Variants in UNC5D observed in about 807,000 individuals in gnomAD.
UNC5D encodes netrin receptor UNC5D.
A neutral mutation model predicts 105.4 loss-of-function variants in UNC5D; 39 were observed. That is an observed-to-expected ratio of 0.37 (90% CI 0.29 to 0.48). The LOEUF (loss-of-function observed/expected upper bound fraction) is 0.48. Among genes scored for constraint, UNC5D ranks in the 20% least tolerant of loss-of-function variants. The probability of loss-of-function intolerance (pLI) is 0.98; values close to 1 mark genes in which losing one functional copy is unlikely to be tolerated. For missense variants in UNC5D, 991 were observed against 1,202.4 expected (o/e 0.82, Z 2.60); for synonymous variants, 452 against 450.4 (o/e 1.00, Z -0.04).
At chr8:35,377,548 C>T (rs1039865126) in intron 1 of UNC5D, among the ~76,000 whole-genome samples, 1 of 152,284 alleles carries the variant, frequency 6.6e-6, no homozygotes. Flanking sequence ...CCTCAGCTTC[C>T]TGCTGAGCAG....
intron 1 of UNC5D, among the ~76,000 whole-genome samples, chr8:35,304,922 T>TTATTTA (rs769606307): frequency 6.4e-4 from 97 of 152,214 alleles, no homozygotes; most frequent in Admixed American, 1.1e-3. Flanking sequence ...TATAATGTAA[T>TTATTTA]CAGCTATGAA....
At chr8:35,515,143 T>A (rs1218260925) in intron 1 of UNC5D, among the ~76,000 whole-genome samples, 1 of 152,232 alleles carries the variant, frequency 6.6e-6, no homozygotes, top group African/African-American at 2.4e-5. Context: ...GTTCTTCACC[T>A]TTATGTTGTA....
intron 4 of UNC5D, among the ~76,000 whole-genome samples, chr8:35,609,046 T>C (rs1236552516): frequency 6.6e-6 from 1 of 152,206 alleles, no homozygotes; most frequent in Non-Finnish European, 1.5e-5. Context: ...AGTTGCCTTT[T>C]CTCCGCATCT....
At chr8:35,334,578 T>C (rs914159787) in intron 1 of UNC5D, among the ~76,000 whole-genome samples, 1 of 151,962 alleles carries the variant, frequency 6.6e-6, no homozygotes, top group African/African-American at 2.4e-5. Context: ...AATGGCACCA[T>C]CTCGGCTCAC....
rs1815481947 is a variant in UNC5D at position 35,544,266 on chromosome 8, A to G, written c.104-5026A>G. On this transcript the variant is annotated intron_variant, in intron 1 of 16. Coordinates refer to ENST00000404895, the MANE Select transcript of UNC5D (RefSeq NM_080872.4). Reference sequence around the variant, plus strand: ...TTAGCCTACCAAGGCTCTTTCCTGAACAGCTGATGGCATTAGGATTTAATT... The same window carrying G: ...TTAGCCTACCAAGGCTCTTTCCTGAGCAGCTGATGGCATTAGGATTTAATT... 10 of 1,103,958 alleles carry G rather than the reference A, an allele frequency of 9.1e-6. 1 individual carries two copies. In the South Asian group the frequency reaches 1.5e-4, roughly 17 times the overall value. 68.4% of individuals were successfully genotyped at this position (1,103,958 alleles called of 1,614,324 possible).
At position 35,345,977 on chromosome 8, in the gene UNC5D, G is replaced by A. The variant is rs79910285; in HGVS notation, c.103+110090G>A. Among the ~76,000 whole-genome samples the A allele has an allele frequency of 4.1e-3, 618 of 152,140 alleles. 3 individuals are homozygous for A. Among genetic ancestry groups the A allele is most frequent in the African/African-American group, 0.014 (583 of 41,554 alleles). On this transcript the variant is annotated intron_variant, in intron 1 of 16. Coordinates refer to ENST00000404895, the MANE Select transcript of UNC5D (RefSeq NM_080872.4). The stretch of plus-strand genomic sequence containing the variant: ...CTATCCTGACCTCTCAGGTCATGGC[G>A]TGTGTTTTCTTTGGAGAAATCTCAA...
intron 8 of UNC5D, among the ~76,000 whole-genome samples, chr8:35,720,536 C>T (rs1484099895): frequency 6.6e-6 from 1 of 152,170 alleles, no homozygotes; most frequent in Non-Finnish European, 1.5e-5. Context: ...CCTCTGTCTG[C>T]TCTGGGAATA....
At chr8:35,343,437 C>T (rs978841858) in intron 1 of UNC5D, among the ~76,000 whole-genome samples, 2 of 151,990 alleles carry the variant, frequency 1.3e-5, no homozygotes, top group African/African-American at 4.8e-5. Flanking sequence ...ATATTGAATA[C>T]TTTCATTGTA....
At chr8:35,318,162 A>G (rs1431484179) in intron 1 of UNC5D, among the ~76,000 whole-genome samples, 1 of 151,776 alleles carries the variant, frequency 6.6e-6, no homozygotes, top group African/African-American at 2.4e-5. Flanking sequence ...TGTCATTTTC[A>G]TGCGCTGCCT....
chr8:35,673,529 C>T (rs1824976499), intron 4 of UNC5D, among the ~76,000 whole-genome samples: 1 of 152,044 alleles, frequency 6.6e-6, no homozygotes, highest in African/African-American at 2.4e-5. Context: ...TACCATTTCC[C>T]AAGCATATAG....
intron 1 of UNC5D, among the ~76,000 whole-genome samples, chr8:35,499,504 T>C (rs1039125519): frequency 6.6e-6 from 1 of 152,256 alleles, no homozygotes; most frequent in African/African-American, 2.4e-5. Flanking sequence ...TTGGGGAAAC[T>C]TTGTTCTCTG....
intron 4 of UNC5D, among the ~76,000 whole-genome samples, chr8:35,658,176 A>T (rs1563639092): frequency 1.3e-5 from 2 of 152,204 alleles, no homozygotes; most frequent in African/African-American, 2.4e-5. Flanking sequence ...CTGGAAAGGT[A>T]AAAATGTTAC....
intron 4 of UNC5D, among the ~76,000 whole-genome samples, chr8:35,653,156 T>G (rs905997018): frequency 1.3e-5 from 2 of 151,962 alleles, no homozygotes; most frequent in African/African-American, 4.8e-5. Flanking sequence ...TCTCGATCTC[T>G]TGACCTCATG....
At chr8:35,307,121 GAA>G (rs10711574) in intron 1 of UNC5D, among the ~76,000 whole-genome samples, 12 of 151,688 alleles carry the variant, frequency 7.9e-5, no homozygotes, top group East Asian at 3.9e-4. Context: ...AGCTAAAAAA[GAA>G]AAAAAAAATT....
At chr8:35,273,955 T>G (rs962275057) in intron 1 of UNC5D, among the ~76,000 whole-genome samples, 1 of 152,204 alleles carries the variant, frequency 6.6e-6, no homozygotes, top group Admixed American at 6.5e-5. Context: ...GTATCATTTT[T>G]ATGCCTTTTA....
At chr8:35,248,627 T>G (rs1400583573) in intron 1 of UNC5D, among the ~76,000 whole-genome samples, 5 of 96,484 alleles carry the variant, frequency 5.2e-5, no homozygotes, top group Admixed American at 1.7e-4. Context: ...AATATATAAA[T>G]ATATGTTATA....
intron 1 of UNC5D, among the ~76,000 whole-genome samples, chr8:35,424,839 A>G (rs990495639): frequency 4.6e-5 from 7 of 152,254 alleles, no homozygotes; most frequent in Non-Finnish European, 1.0e-4. Context: ...TAACGTATTT[A>G]TAGCAATGAG....
rs781317548 is a variant in UNC5D, at chr8:35,750,640, C to T, written c.1994C>T (p.Ala665Val). ...TSCYCLLDPF[A>V]CHVLLDSFGT... ...TGTTACTGCCTTTTGGACCCCTTTG[C>T]GTGTCATGTGCTCCTGGACAGCTTT... Residue 665 changes from alanine (A) to valine (V), a missense_variant, in exon 13 of 17, where the codon GCG becomes GTG. Transcript: ENST00000404895. 15 of 1,613,936 alleles carry T rather than the reference C, an allele frequency of 9.3e-6. No homozygotes were observed. The highest frequency in any genetic ancestry group is 1.6e-4 in the Middle Eastern group (1 of 6,084).
chr8:35,528,043 T>G (rs946811907), intron 1 of UNC5D, among the ~76,000 whole-genome samples: 3 of 150,664 alleles, frequency 2.0e-5, no homozygotes, highest in Non-Finnish European at 4.4e-5. Context: ...CAGCTGGTTT[T>G]TTTTTTTTTT....
Sources: allele counts gnomAD v4.1 joint callset (sites outside exome capture counted in the v4.1 genomes callset), GRCh38; gene constraint gnomAD v4.1.1; transcripts MANE v1.5; gene names NCBI Gene and HGNC (gene_info 2026-07-23, HGNC 2026-07-21).